Variants in RABGAP1L observed in about 807,000 individuals in gnomAD.
The protein encoded by RABGAP1L is RAB GTPase activating protein 1 like.
Under a neutral mutation model 137.7 loss-of-function variants are expected in RABGAP1L, and 63 were observed. The observed-to-expected ratio is 0.46, with a 90% confidence interval of 0.37 to 0.56. The LOEUF is 0.56. Ranked by LOEUF, RABGAP1L falls within the 20% of genes least tolerant of loss-of-function variation. The pLI is 0.00. For missense variants in RABGAP1L, 1,095 were observed against 1,244.0 expected (o/e 0.88, Z 1.80); for synonymous variants, 431 against 433.7 (o/e 0.99, Z 0.08).
intron 11 of RABGAP1L, among the ~76,000 whole-genome samples, chr1:174,327,986 C>CATATATATATATAT (rs3057021): frequency 1.5e-4 from 8 of 53,626 alleles, no homozygotes; most frequent in East Asian, 5.5e-4. Flanking sequence ...TATACACACA[C>CATATATATATATAT]ATATATATAT....
chr1:174,691,488 T>C (rs1050684227), intron 15 of RABGAP1L, among the ~76,000 whole-genome samples: 4 of 152,222 alleles, frequency 2.6e-5, no homozygotes, highest in African/African-American at 9.7e-5. Flanking sequence ...ATTACATCAC[T>C]CAATTCTCAA....
At chr1:174,642,982 A>G (rs749202374) in intron 14 of RABGAP1L, among the ~76,000 whole-genome samples, 53 of 151,882 alleles carry the variant, frequency 3.5e-4, no homozygotes, top group Non-Finnish European at 6.9e-4. Flanking sequence ...ACAGGGTTTC[A>G]CTATGTCAAT....
At chr1:174,706,610 A>AT (rs1449749684) in intron 17 of RABGAP1L, among the ~76,000 whole-genome samples, 1 of 152,190 alleles carries the variant, frequency 6.6e-6, no homozygotes, top group Non-Finnish European at 1.5e-5. Context: ...ATTTGCAAAT[A>AT]TTAATGTAGA....
At chr1:174,596,299 A>T (rs1669909260) in intron 13 of RABGAP1L, among the ~76,000 whole-genome samples, 1 of 151,290 alleles carries the variant, frequency 6.6e-6, no homozygotes, top group African/African-American at 2.4e-5. Context: ...GGAAATGCAG[A>T]AATCACCCGT....
At chr1:174,718,863 G>C (rs1322100408) in intron 17 of RABGAP1L, among the ~76,000 whole-genome samples, 1 of 137,628 alleles carries the variant, frequency 7.3e-6, no homozygotes, top group African/African-American at 2.7e-5. Context: ...TTTTGAGACA[G>C]AGTTTCGCTC....
chr1:174,260,486 C>A (rs1186527949), intron 7 of RABGAP1L, among the ~76,000 whole-genome samples: 1 of 152,134 alleles, frequency 6.6e-6, no homozygotes, highest in Non-Finnish European at 1.5e-5. Flanking sequence ...GAGGAGAAAG[C>A]AAGATCATTG....
At chr1:174,279,773 C>CT (rs1429854514) in intron 10 of RABGAP1L, among the ~76,000 whole-genome samples, 1 of 152,074 alleles carries the variant, frequency 6.6e-6, no homozygotes, top group Non-Finnish European at 1.5e-5. Flanking sequence ...TCCTGAGCAT[C>CT]TTTTAATATT....
intron 8 of RABGAP1L, among the ~76,000 whole-genome samples, chr1:174,274,760 C>T (rs1004829037): frequency 6.6e-6 from 1 of 151,824 alleles, no homozygotes; most frequent in East Asian, 1.9e-4. Context: ...TCAAGCTACA[C>T]AATCTGATTA....
In RABGAP1L at chr1:174,548,272, TA is replaced by T. The variant is rs542995017; in HGVS notation, c.1711-89102del. 6.0e-5 allele frequency: 81 copies of T among 1,348,490 alleles called. No homozygotes were observed. The African/African-American group carries it at 1.1e-3, about 18-fold the overall frequency. 83.5% of individuals were successfully genotyped at this position (1,348,490 alleles called of 1,614,324 possible). A position where few individuals can be genotyped will look rare whatever the true frequency, so the allele number is the denominator to read the frequency against. On this transcript the variant is annotated intron_variant, in intron 13 of 25. Transcript: ENST00000681986. ...AAGATTCTGTTTTTAAACTCTTTGC[TA>T]TATAACATTAGTTAAGTTGTTTACC...
At chr1:174,756,887 AAGCAGTCCTG>A in intron 18 of RABGAP1L, 1 of 644,184 alleles carries the variant, frequency 1.6e-6, no homozygotes, top group South Asian at 1.4e-5. Flanking sequence ...AAGGCATCTG[AAGCAGTCCTG>A]GGACTGCTTG....
chr1:174,559,458 A>G (rs980384851), intron 13 of RABGAP1L, among the ~76,000 whole-genome samples: 1 of 152,220 alleles, frequency 6.6e-6, no homozygotes, highest in African/African-American at 2.4e-5. Flanking sequence ...TAACCTTTTT[A>G]TGTTCTAGAC....
intron 13 of RABGAP1L, among the ~76,000 whole-genome samples, chr1:174,615,853 A>C (rs1196141645): frequency 1.3e-5 from 2 of 152,168 alleles, no homozygotes; most frequent in East Asian, 3.8e-4. Flanking sequence ...GCAATCAGCG[A>C]GACTCCGTGG....
chr1:174,550,891 T>TAC (rs1214748528), intron 13 of RABGAP1L, among the ~76,000 whole-genome samples: 8 of 86,056 alleles, frequency 9.3e-5, no homozygotes, highest in Admixed American at 8.1e-4. Context: ...TATATATATA[T>TAC]ATATACACAC....
chr1:174,259,110 A>T (rs1346817316), intron 7 of RABGAP1L, among the ~76,000 whole-genome samples: 4 of 147,846 alleles, frequency 2.7e-5, no homozygotes, highest in Admixed American at 6.8e-5. Context: ...TTTTTTTTTG[A>T]AAAATATATT....
intron 14 of RABGAP1L, among the ~76,000 whole-genome samples, chr1:174,644,068 T>A (rs1285859274): frequency 6.6e-6 from 1 of 151,794 alleles, no homozygotes; most frequent in Non-Finnish European, 1.5e-5. Context: ...ATTTTGGGGG[T>A]TTTTTTGGTC....
intron 17 of RABGAP1L, among the ~76,000 whole-genome samples, chr1:174,731,596 A>C (rs1682481793): frequency 6.6e-6 from 1 of 152,166 alleles, no homozygotes; most frequent in Non-Finnish European, 1.5e-5. Context: ...ATACCCTGGA[A>C]CTCCAACTTG....
intron 25 of RABGAP1L, 62 bp from the exon 26 acceptor site, chr1:174,989,783 TTTTA>T (rs1166846597): frequency 7.2e-5 from 108 of 1,506,296 alleles, no homozygotes; most frequent in Middle Eastern, 1.7e-4. Context: ...AGCTGCACAC[TTTTA>T]TTTATTTATT....
chr1:174,767,451 T>C (rs1489149966), intron 18 of RABGAP1L, among the ~76,000 whole-genome samples: 1 of 152,180 alleles, frequency 6.6e-6, no homozygotes, highest in East Asian at 1.9e-4. Context: ...CTTGATGCTA[T>C]TGTGAATTGA....
At chr1:174,212,840 G>A (rs1669003828) in intron 1 of RABGAP1L, among the ~76,000 whole-genome samples, 1 of 152,078 alleles carries the variant, frequency 6.6e-6, no homozygotes, top group Non-Finnish European at 1.5e-5. Context: ...AATAAAATCA[G>A]AGATGAAAAA....
Sources: allele counts gnomAD v4.1 joint callset (sites outside exome capture counted in the v4.1 genomes callset), GRCh38; gene constraint gnomAD v4.1.1; transcripts MANE v1.5; gene names NCBI Gene and HGNC (gene_info 2026-07-23, HGNC 2026-07-21).